The following SNCAIP variants were observed in gnomAD, a reference collection of about 807,000 sequenced individuals.
The protein encoded by SNCAIP is synphilin-1.
A neutral mutation model predicts 86.7 loss-of-function variants in SNCAIP; 43 were observed. That is an observed-to-expected ratio of 0.50 (90% CI 0.39 to 0.64). SNCAIP has a LOEUF of 0.64. Among genes scored for constraint, SNCAIP ranks in the 30% least tolerant of loss-of-function variants. The probability of loss-of-function intolerance (pLI) is 0.00; values close to 1 mark genes in which losing one functional copy is unlikely to be tolerated. For missense variants in SNCAIP, 981 were observed against 1,103.1 expected, an observed-to-expected ratio of 0.89 and a Z score of 1.57; for synonymous variants, 417 against 427.2, an observed-to-expected ratio of 0.98 and a Z score of 0.29.
chr5:122,372,374 G>A (rs1356965836), intron 1 of SNCAIP, among the ~76,000 whole-genome samples: 1 of 152,154 alleles, frequency 6.6e-6, no homozygotes, highest in Non-Finnish European at 1.5e-5. Flanking sequence ...CACAGAGTTT[G>A]GAAGAGATGT....
chr5:122,385,901 T>A (rs560492532), intron 1 of SNCAIP, among the ~76,000 whole-genome samples: 43 of 152,308 alleles, frequency 2.8e-4, no homozygotes, highest in Admixed American at 9.1e-4. Flanking sequence ...ATAGCGACTT[T>A]GGCAGAAAAG....
At chr5:122,321,253 A>T (rs1288218828) in intron 1 of SNCAIP, 1 of 152,226 alleles carries the variant, frequency 6.6e-6, no homozygotes, top group Non-Finnish European at 1.5e-5. Context: ...AAAAATCATT[A>T]ACCAAGTACC....
In SNCAIP at chr5:122,448,111, G is replaced by A. The variant is rs116305172; in HGVS notation, c.1593-1734G>A. 7.7e-3 allele frequency among the ~76,000 whole-genome samples: 1,172 copies of A among 152,294 alleles called. 15 individuals are homozygous for A. Among genetic ancestry groups the A allele is most frequent in the African/African-American group, 0.027 (1,124 of 41,560 alleles). ...CATAATTAGATTTAGCCAGCTAATC[G>A]TTGCTGAGTATATGCAGTGACACTC... is the stretch of plus-strand genomic sequence containing the variant. On this transcript the variant is annotated intron_variant, in intron 8 of 10. Transcript: ENST00000261368.
chr5:122,388,006 A>G (rs1019391096), intron 1 of SNCAIP, among the ~76,000 whole-genome samples: 2 of 152,216 alleles, frequency 1.3e-5, no homozygotes, highest in Non-Finnish European at 1.5e-5. Flanking sequence ...TATGTTTAAT[A>G]CTGAATTCCT....
intron 1 of SNCAIP, among the ~76,000 whole-genome samples, chr5:122,367,426 G>A (rs781511181): frequency 1.3e-5 from 2 of 152,210 alleles, no homozygotes; most frequent in South Asian, 2.1e-4. Context: ...TCTTTTGAGA[G>A]TTTGGATAAG....
intron 1 of SNCAIP, among the ~76,000 whole-genome samples, chr5:122,350,018 C>A (rs1759441847): frequency 6.6e-6 from 1 of 152,122 alleles, no homozygotes; most frequent in Non-Finnish European, 1.5e-5. Context: ...GATAGACACC[C>A]AGCAAGTTCT....
chr5:122,431,948 C>T (rs77615391), intron 5 of SNCAIP, 21 bp from the exon 6 acceptor site: 270,935 of 1,178,460 alleles, frequency 0.23, 32,926 homozygotes, highest in South Asian at 0.29. Context: ...TTTCCATCTC[C>T]CTTTCTTTTT....
rs199922733 is a variant in SNCAIP, at chr5:122,313,311, AACTG to A, written c.-47+1028_-47+1031del. ...CATCAAAGAGCCCGGAGGACGGGAG[AACTG>A]CTGCAGGACAGTCTCGCCACACACC... On this transcript the variant is annotated intron_variant, in intron 1 of 10. Transcript: ENST00000261368. Among the ~76,000 whole-genome samples, 1,272 of 152,310 alleles carry A rather than the reference AACTG, an allele frequency of 8.4e-3. 12 individuals carry two copies. Among genetic ancestry groups the A allele is most frequent in the African/African-American group, 0.028 (1,180 of 41,570 alleles).
At chr5:122,357,751 A>C (rs1398853903) in intron 1 of SNCAIP, among the ~76,000 whole-genome samples, 1 of 152,084 alleles carries the variant, frequency 6.6e-6, no homozygotes, top group Non-Finnish European at 1.5e-5. Context: ...CATGTGGCTA[A>C]TTAAATTAAA....
chr5:122,332,796 A>T (rs1182144939), intron 1 of SNCAIP, among the ~76,000 whole-genome samples: 1 of 152,208 alleles, frequency 6.6e-6, no homozygotes, highest in Non-Finnish European at 1.5e-5. Flanking sequence ...AGTTGTGCTT[A>T]AGGGCTTTGC....
chr5:122,417,689 T>C (rs1411802958), intron 3 of SNCAIP, among the ~76,000 whole-genome samples: 1 of 152,034 alleles, frequency 6.6e-6, no homozygotes, highest in Admixed American at 6.6e-5. Context: ...CCTCCTTTCT[T>C]CCTTCCATTC....
intron 2 of SNCAIP, among the ~76,000 whole-genome samples, chr5:122,392,504 A>G (rs568532863): frequency 6.6e-6 from 1 of 152,264 alleles, no homozygotes; most frequent in African/African-American, 2.4e-5. Flanking sequence ...CTCCCCTCAC[A>G]GCCATTGTGG....
chr5:122,353,305 T>A (rs1407345338), intron 1 of SNCAIP, among the ~76,000 whole-genome samples: 1 of 152,040 alleles, frequency 6.6e-6, no homozygotes, highest in Non-Finnish European at 1.5e-5. Context: ...ATTACCTACA[T>A]TGGGTAGGAG....
At chr5:122,438,049 A>G (rs2617285) in intron 6 of SNCAIP, among the ~76,000 whole-genome samples, 1 of 152,206 alleles carries the variant, frequency 6.6e-6, no homozygotes, top group African/African-American at 2.4e-5. Flanking sequence ...ATTACATCCA[A>G]CAAGAAGATA....
chr5:122,330,840 A>C (rs1228598814), intron 1 of SNCAIP, among the ~76,000 whole-genome samples: 1 of 151,940 alleles, frequency 6.6e-6, no homozygotes, highest in Admixed American at 6.6e-5. Context: ...ATGATGAAAT[A>C]ATTGTACAAC....
intron 1 of SNCAIP, among the ~76,000 whole-genome samples, chr5:122,332,190 A>G (rs778521765): frequency 2.2e-4 from 33 of 152,232 alleles, no homozygotes; most frequent in Non-Finnish European, 4.4e-4. Flanking sequence ...TTCTTTATGT[A>G]TTTGATATCA....
At chr5:122,431,397 T>C (rs764727672) in intron 5 of SNCAIP, among the ~76,000 whole-genome samples, 1 of 152,132 alleles carries the variant, frequency 6.6e-6, no homozygotes, top group East Asian at 1.9e-4. Flanking sequence ...AATTCTACAA[T>C]GAAATACTTC....
chr5:122,330,357 G>A (rs1446289881), intron 1 of SNCAIP, among the ~76,000 whole-genome samples: 2 of 151,938 alleles, frequency 1.3e-5, no homozygotes, highest in South Asian at 2.1e-4. Flanking sequence ...TCCTGACCTC[G>A]TGATCCGCCT....
At position 122,464,206 on chromosome 5, in the gene SNCAIP, T is replaced by C. The variant is rs1787099934; in HGVS notation, c.*710T>C. On this transcript the variant is annotated 3_prime_UTR_variant, in exon 11 of 11. Coordinates refer to ENST00000261368, the MANE Select transcript of SNCAIP (RefSeq NM_005460.4). ...CATAGGCGTCAAATAAAACATTCTA[T>C]ATTTCATTAAGTACTAAAGGATCAG... 1 of 152,352 alleles carries C rather than the reference T, an allele frequency of 6.6e-6. No individual in the cohort carries two copies. Among genetic ancestry groups the C allele is most frequent in the Middle Eastern group, 3.4e-3 (1 of 294 alleles). The allele number at this position is 152,352 out of a possible 1,614,324, so 9.4% of individuals were successfully genotyped here.
Sources: allele counts gnomAD v4.1 joint callset (sites outside exome capture counted in the v4.1 genomes callset), GRCh38; gene constraint gnomAD v4.1.1; transcripts MANE v1.5; gene names NCBI Gene and HGNC (gene_info 2026-07-23, HGNC 2026-07-21).